ATRNL1: variants seen among roughly 807,000 people sequenced by gnomAD.
ATRNL1 encodes attractin like 1.
A neutral mutation model predicts 182.7 loss-of-function variants in ATRNL1; 95 were observed. That is an observed-to-expected ratio of 0.52 (90% CI 0.44 to 0.62). ATRNL1 has a LOEUF of 0.62. ATRNL1 is among the 20% of genes least tolerant of loss of function. The pLI is 0.00. For synonymous variants in ATRNL1, 576 were observed against 568.3 expected (o/e 1.01, Z -0.19); for missense variants, 1,471 against 1,679.5 (o/e 0.88, Z 2.17).
chr10:115,604,898 T>C lies in ATRNL1; in HGVS notation c.3795+55362T>C, dbSNP rs1383268019. Among the ~76,000 whole-genome samples the C allele has an allele frequency of 3.3e-5, 5 of 151,982 alleles. No individual in the cohort carries two copies. In the East Asian group the frequency reaches 9.7e-4, roughly 29 times the overall value. ...TCTTATTTTGCTTGATTTTTTGTAT[T>C]TGCAATTTTCTTTCTTTGTTAAATG... On this transcript the variant is annotated intron_variant, in intron 26 of 28. Transcript: ENST00000355044.
At chr10:115,416,599 G>A (rs1322915286) in intron 20 of ATRNL1, among the ~76,000 whole-genome samples, 2 of 152,034 alleles carry the variant, frequency 1.3e-5, no homozygotes, top group African/African-American at 2.4e-5. Context: ...CTTGACTATT[G>A]AAAACTTAGA....
intron 27 of ATRNL1, among the ~76,000 whole-genome samples, chr10:115,730,695 G>A (rs1330030182): frequency 1.3e-5 from 2 of 152,010 alleles, no homozygotes; most frequent in African/African-American, 4.8e-5. Flanking sequence ...TATAGCTATG[G>A]GATTTCTTCC....
intron 21 of ATRNL1, among the ~76,000 whole-genome samples, chr10:115,460,678 G>A (rs1847751909): frequency 6.6e-6 from 1 of 151,928 alleles, no homozygotes; most frequent in African/African-American, 2.4e-5. Flanking sequence ...AAACTCCATG[G>A]CTTATTCTCT....
chr10:115,814,619 A>G (rs1287942941), intron 27 of ATRNL1, among the ~76,000 whole-genome samples: 1 of 152,118 alleles, frequency 6.6e-6, no homozygotes, highest in Non-Finnish European at 1.5e-5. Context: ...TTTTTTTCCT[A>G]AGGGTTTCTT....
chr10:115,936,335 G>A (rs1473065804), intron 28 of ATRNL1, among the ~76,000 whole-genome samples: 3 of 152,124 alleles, frequency 2.0e-5, no homozygotes, highest in Non-Finnish European at 2.9e-5. Flanking sequence ...CCACTAAAAC[G>A]TAAACTCCAT....
At chr10:115,930,997 A>C (rs922148391) in intron 28 of ATRNL1, among the ~76,000 whole-genome samples, 6 of 152,214 alleles carry the variant, frequency 3.9e-5, no homozygotes, top group African/African-American at 1.4e-4. Context: ...GCAGTTATTC[A>C]TACAGGATTT....
chr10:115,170,790 G>T (rs1463054397), intron 7 of ATRNL1, among the ~76,000 whole-genome samples: 1 of 151,974 alleles, frequency 6.6e-6, no homozygotes, highest in African/African-American at 2.4e-5. Context: ...ACTACATAAT[G>T]TGATAGTTAA....
intron 26 of ATRNL1, among the ~76,000 whole-genome samples, chr10:115,688,010 A>T (rs1555046857): frequency 6.6e-6 from 1 of 151,970 alleles, no homozygotes; most frequent in Admixed American, 6.6e-5. Context: ...CTATGGTTCT[A>T]TTCTCTATAC....
intron 28 of ATRNL1, among the ~76,000 whole-genome samples, chr10:115,900,384 A>AC (rs1952320665): frequency 6.6e-6 from 1 of 152,242 alleles, no homozygotes; most frequent in Non-Finnish European, 1.5e-5. Context: ...CGATGAAAAA[A>AC]TTAATTCAGC....
chr10:115,140,478 C>A (rs1388293597), intron 5 of ATRNL1, among the ~76,000 whole-genome samples: 1 of 152,142 alleles, frequency 6.6e-6, no homozygotes, highest in Non-Finnish European at 1.5e-5. Context: ...GGTTAAGAGA[C>A]AAACCAGCAA....
intron 8 of ATRNL1, among the ~76,000 whole-genome samples, chr10:115,181,178 G>A (rs1847733075): frequency 6.6e-6 from 1 of 151,862 alleles, no homozygotes; most frequent in Non-Finnish European, 1.5e-5. Context: ...TAAAATAAAG[G>A]TAGGAATATG....
At chr10:115,397,688 A>T (rs573920968) in intron 20 of ATRNL1, among the ~76,000 whole-genome samples, 34 of 152,120 alleles carry the variant, frequency 2.2e-4, no homozygotes, top group South Asian at 1.9e-3. Context: ...CTGGGAAAAG[A>T]AAATAGGAAA....
At chr10:115,406,852 A>G (rs575197948) in intron 20 of ATRNL1, among the ~76,000 whole-genome samples, 1 of 152,214 alleles carries the variant, frequency 6.6e-6, no homozygotes, top group South Asian at 2.1e-4. Flanking sequence ...GACATTCTTA[A>G]TTTTAATATA....
At chr10:115,590,067 GTTAAA>G (rs1431250339) in intron 26 of ATRNL1, among the ~76,000 whole-genome samples, 2 of 152,174 alleles carry the variant, frequency 1.3e-5, no homozygotes, top group Non-Finnish European at 2.9e-5. Context: ...TGTTGTGTTA[GTTAAA>G]TTAAAAGCAT....
chr10:115,758,861 T>A (rs2134138794), intron 27 of ATRNL1, among the ~76,000 whole-genome samples: 1 of 152,364 alleles, frequency 6.6e-6, no homozygotes, highest in South Asian at 2.1e-4. Flanking sequence ...GCAGAATACT[T>A]TTAATTCTTA....
intron 28 of ATRNL1, 70 bp from the exon 29 acceptor site, chr10:115,944,588 C>G (rs1953830170): frequency 3.7e-6 from 5 of 1,366,142 alleles, no homozygotes; most frequent in Non-Finnish European, 4.9e-6. Flanking sequence ...AAGCAGGGCC[C>G]TTCACCACCA....
chr10:115,612,812 T>C (rs1555019466), intron 26 of ATRNL1, among the ~76,000 whole-genome samples: 3 of 151,720 alleles, frequency 2.0e-5, no homozygotes, highest in Admixed American at 2.0e-4. Flanking sequence ...CCAGCTTAAT[T>C]TTTGACACAA....
intron 8 of ATRNL1, among the ~76,000 whole-genome samples, chr10:115,208,075 GTTC>G (rs1252559030): frequency 2.0e-5 from 3 of 151,830 alleles, no homozygotes; most frequent in Admixed American, 1.3e-4. Flanking sequence ...TAAGTTCACT[GTTC>G]TTCTGTAATC....
At chr10:115,803,063 A>G (rs1019121866) in intron 27 of ATRNL1, among the ~76,000 whole-genome samples, 1 of 152,202 alleles carries the variant, frequency 6.6e-6, no homozygotes, top group East Asian at 1.9e-4. Flanking sequence ...TGCTGCTACT[A>G]TCAGGACATA....
Sources: gnomAD v4.1 joint callset for allele counts (sites outside exome capture counted in the v4.1 genomes callset) on GRCh38, gnomAD v4.1.1 for gene constraint, MANE v1.5 for transcripts, NCBI Gene and HGNC (gene_info 2026-07-23, HGNC 2026-07-21) for gene names.